Variants in RUNX1T1 observed in about 807,000 individuals in gnomAD.
RUNX1T1 encodes RUNX1 partner transcriptional co-repressor 1, also known as protein CBFA2T1.
A neutral mutation model predicts 62.8 loss-of-function variants in RUNX1T1; 4 were observed. The observed-to-expected ratio is 0.06, with a 90% CI of 0.03 to 0.15. The LOEUF is 0.15. RUNX1T1 is among the 10% of genes least tolerant of loss of function. RUNX1T1 has a pLI of 1.00. For missense variants in RUNX1T1, 508 were observed against 754.3 expected, an observed-to-expected ratio of 0.67 and a Z score of 3.82; for synonymous variants, 291 against 286.0, an observed-to-expected ratio of 1.02 and a Z score of -0.18.
rs142953670 is a variant in RUNX1T1 at position 91,960,410 on chromosome 8, G to A, written c.1566C>T (p.His522=). The A allele has an allele frequency of 1.5e-5, 24 of 1,614,212 alleles. No individual in the cohort carries two copies. The African/African-American group carries it at 2.4e-4, about 16-fold the overall frequency. ...GGGCCTGCAGGGTCTGTCCACAGAT[G>A]TGATGGTGCTTCTCCCAGTCTTTGT... The change falls in exon 11 of 11, where the codon CAC becomes CAT. Residue 522 remains histidine (H), a synonymous_variant. Transcript: ENST00000396218.
At chr8:91,987,416 G>C (rs1816799867) in intron 6 of RUNX1T1, among the ~76,000 whole-genome samples, 1 of 152,028 alleles carries the variant, frequency 6.6e-6, no homozygotes, top group Admixed American at 6.6e-5. Flanking sequence ...AAACAAGCAT[G>C]GTAAATTTTT....
intron 5 of RUNX1T1, among the ~76,000 whole-genome samples, chr8:92,001,181 A>T (rs1003504511): frequency 1.3e-5 from 2 of 152,066 alleles, no homozygotes; most frequent in Non-Finnish European, 2.9e-5. Flanking sequence ...TACAGATAAC[A>T]TCCCATGAGC....
At chr8:92,025,722 A>T (rs1457211615) in intron 1 of RUNX1T1, among the ~76,000 whole-genome samples, 1 of 152,258 alleles carries the variant, frequency 6.6e-6, no homozygotes, top group Non-Finnish European at 1.5e-5. Context: ...AGCACTTAGC[A>T]GTATCTGACA....
chr8:92,051,788 T>C (rs1403640129), intron 1 of RUNX1T1, among the ~76,000 whole-genome samples: 1 of 152,134 alleles, frequency 6.6e-6, no homozygotes, highest in Admixed American at 6.5e-5. Context: ...CATTATGAAC[T>C]TGCAGCATGC....
At chr8:91,966,103 C>CATAT (rs59908043) in intron 10 of RUNX1T1, among the ~76,000 whole-genome samples, 6,110 of 146,338 alleles carry the variant, frequency 0.042, 419 homozygotes, top group African/African-American at 0.15. Flanking sequence ...AAACAGCTGG[C>CATAT]ATATATATAT....
rs748067710 is a variant in RUNX1T1 at position 92,076,186 on chromosome 8, T to G, written c.-85-49A>C. The stretch of plus-strand genomic sequence containing the variant: ...AAAAATGCATATATCACAACCAGTC[T>G]GAAGTATCATACCCATCTGTTTACA... On this transcript the variant is annotated intron_variant, in intron 1 of 11. Coordinates refer to the RUNX1T1 transcript ENST00000265814. 182 of 1,401,990 alleles carry G rather than the reference T, an allele frequency of 1.3e-4. 1 individual carries two copies. Among genetic ancestry groups the G allele is most frequent in the Non-Finnish European group, 1.7e-4 (178 of 1,072,540 alleles). The allele number at this position is 1,401,990 out of a possible 1,614,324, so 86.8% of individuals were successfully genotyped here.
Position 92,019,847 on chromosome 8 carries a change from C to T in RUNX1T1, c.8-2484G>A, listed in dbSNP as rs957537703. 6.6e-5 allele frequency among the ~76,000 whole-genome samples: 10 copies of T among 152,082 alleles called. 1 individual carries two copies. In the South Asian group the frequency reaches 1.2e-3, roughly 19 times the overall value. ...ATATTGTCTTGGTCCACACTTGTAA[C>T]GACTCCTATCCAGAACAGCAACATC... On this transcript the variant is annotated intron_variant, in intron 1 of 10. Coordinates refer to ENST00000396218, the Ensembl canonical transcript of RUNX1T1.
At chr8:91,972,028 CAATTAACACTCTATTAAAACT>C (rs1278351002) in intron 9 of RUNX1T1, among the ~76,000 whole-genome samples, 1 of 152,044 alleles carries the variant, frequency 6.6e-6, no homozygotes, top group East Asian at 1.9e-4. Flanking sequence ...AACCTAGTAC[CAATTAACACTCTATTAAAACT>C]AATTATGACA....
Position 91,959,455 on chromosome 8 carries a change from TGTGTGTGTGTGTATATGTGC to T in RUNX1T1, c.*767_*786del, listed in dbSNP as rs1177927231. ...GTGTGTGTGTGTGTGTGTGTGTGTG[TGTGTGTGTGTGTATATGTGC>T]GTGTGTGTGTGTGTATATATATATA... On this transcript the variant is annotated 3_prime_UTR_variant, in exon 11 of 11. Coordinates refer to ENST00000396218, the Ensembl canonical transcript of RUNX1T1. The T allele has an allele frequency of 2.4e-4, 33 of 137,384 alleles. 1 individual carries two copies. The highest frequency in any genetic ancestry group is 9.8e-4 in the East Asian group (10 of 10,240). The allele number at this position is 137,384 out of a possible 1,614,324, so 8.5% of individuals were successfully genotyped here. A position where few individuals can be genotyped will look rare whatever the true frequency, so the allele number is the denominator to read the frequency against.
chr8:92,095,364 C>A lies in RUNX1T1; in HGVS notation c.-86+4216G>T, dbSNP rs1275492378. ...GAGATTACCTTCTGGCAAAGGAGCG[C>A]GGGAGAGCGGCCGCGGCCGAGGCGG... On this transcript the variant is annotated intron_variant, in intron 1 of 11. Coordinates refer to the RUNX1T1 transcript ENST00000265814. 10 of 1,535,156 alleles carry A rather than the reference C, an allele frequency of 6.5e-6. No individual in the cohort carries two copies. Among genetic ancestry groups the A allele is most frequent in the East Asian group, 2.4e-5 (1 of 40,862 alleles).
At chr8:92,051,060 A>G (rs550780893) in intron 1 of RUNX1T1, among the ~76,000 whole-genome samples, 2 of 152,038 alleles carry the variant, frequency 1.3e-5, no homozygotes, top group African/African-American at 4.8e-5. Context: ...GTCACTCTCC[A>G]GCCTTTTTTT....
chr8:92,050,198 T>C (rs2130358893), intron 1 of RUNX1T1, among the ~76,000 whole-genome samples: 1 of 152,330 alleles, frequency 6.6e-6, no homozygotes, highest in South Asian at 2.1e-4. Flanking sequence ...GAGGAAAATC[T>C]AGGTTGTTTC....
intron 1 of RUNX1T1, among the ~76,000 whole-genome samples, chr8:92,055,493 G>A (rs541002911): frequency 9.4e-4 from 143 of 152,222 alleles, no homozygotes; most frequent in African/African-American, 3.3e-3. Flanking sequence ...TCAGGCTGGA[G>A]TGTCATGGGG....
At chr8:92,048,973 T>C (rs1829829107) in intron 1 of RUNX1T1, among the ~76,000 whole-genome samples, 3 of 152,210 alleles carry the variant, frequency 2.0e-5, no homozygotes, top group African/African-American at 7.2e-5. Flanking sequence ...CTACGTCACA[T>C]GCGACTCTGT....
intron 1 of RUNX1T1, among the ~76,000 whole-genome samples, chr8:92,057,625 A>G (rs1196248733): frequency 6.6e-6 from 1 of 152,168 alleles, no homozygotes; most frequent in African/African-American, 2.4e-5. Flanking sequence ...GATTCCTTTG[A>G]TTGGAACTCT....
At chr8:92,001,359 C>T (rs1819721370) in intron 5 of RUNX1T1, among the ~76,000 whole-genome samples, 1 of 151,854 alleles carries the variant, frequency 6.6e-6, no homozygotes, top group Non-Finnish European at 1.5e-5. Flanking sequence ...GCAGACCATG[C>T]CTAAGGAAAA....
intron 1 of RUNX1T1, among the ~76,000 whole-genome samples, chr8:92,028,418 T>C (rs1272931354): frequency 6.6e-6 from 1 of 152,090 alleles, no homozygotes; most frequent in Non-Finnish European, 1.5e-5. Flanking sequence ...CCCACAGCTG[T>C]TACCACCTTT....
intron 9 of RUNX1T1, chr8:91,971,169 T>C (rs1812749473): frequency 4.1e-6 from 1 of 242,550 alleles, no homozygotes. Context: ...AGGGTGAAAA[T>C]GTTTCTTTAA....
upstream of RUNX1T1, among the ~76,000 whole-genome samples, chr8:92,101,752 A>C (rs1457918188): frequency 6.6e-6 from 1 of 152,198 alleles, no homozygotes; most frequent in Non-Finnish European, 1.5e-5. Context: ...CAAAAAATAA[A>C]AAATAGCACG....
Sources: allele counts gnomAD v4.1 joint callset (sites outside exome capture counted in the v4.1 genomes callset), GRCh38; gene constraint gnomAD v4.1.1; transcripts MANE v1.5; gene names NCBI Gene and HGNC (gene_info 2026-07-23, HGNC 2026-07-21).